The following PPM1H variants were observed in gnomAD, a reference collection of about 807,000 sequenced individuals.
PPM1H encodes protein phosphatase 1H.
In PPM1H, 27 loss-of-function variants were observed where a neutral mutation model predicts 54.9. The observed-to-expected ratio is 0.49, with a 90% CI of 0.36 to 0.68. PPM1H has a LOEUF of 0.68. Ranked by LOEUF, PPM1H falls within the 30% of genes least tolerant of loss-of-function variation. PPM1H has a pLI of 0.00. For missense variants in PPM1H, 596 were observed against 667.8 expected, an observed-to-expected ratio of 0.89 and a Z score of 1.19; for synonymous variants, 305 against 270.8, an observed-to-expected ratio of 1.13 and a Z score of -1.24.
At chr12:62,817,236 G>C (rs1337860285) in intron 2 of PPM1H, among the ~76,000 whole-genome samples, 1 of 149,118 alleles carries the variant, frequency 6.7e-6, no homozygotes, top group Non-Finnish European at 1.5e-5. Context: ...GCTGAGGCGG[G>C]CAGATCATAA....
At chr12:62,728,881 G>A (rs1394911247) in intron 5 of PPM1H, among the ~76,000 whole-genome samples, 4 of 152,146 alleles carry the variant, frequency 2.6e-5, no homozygotes, top group Non-Finnish European at 5.9e-5. Flanking sequence ...GGGCTTTGAG[G>A]TTACTCAAAA....
chr12:62,774,758 T>C (rs1193612528), intron 4 of PPM1H, among the ~76,000 whole-genome samples: 5 of 152,180 alleles, frequency 3.3e-5, no homozygotes, highest in Non-Finnish European at 7.4e-5. Flanking sequence ...CTCAGCAAAC[T>C]GTTCATGGAT....
Position 62,905,127 on chromosome 12 carries a change from A to G in PPM1H, c.245+29365T>C, listed in dbSNP as rs142352937. ...ACAAAGATAACAGTACCCATCTCAT[A>G]GGGTTGTTACAACAATTAAATGAGA... On this transcript the variant is annotated intron_variant, in intron 1 of 9. Transcript: ENST00000228705. Among the ~76,000 whole-genome samples the G allele has an allele frequency of 3.4e-3, 511 of 152,308 alleles. 3 individuals carry two copies. Among genetic ancestry groups the G allele is most frequent in the Middle Eastern group, 0.01 (3 of 294 alleles).
rs558156920 is a variant in PPM1H, at chr12:62,757,109, G to A, written c.870-19523C>T. ...GGCCAAAGAGGCACTGAGAGGCACTGTTTGGTCCTCGTGAGAAGCCTCAGT... is the reference window on the plus strand; with the variant it reads ...GGCCAAAGAGGCACTGAGAGGCACTATTTGGTCCTCGTGAGAAGCCTCAGT... On this transcript the variant is annotated intron_variant, in intron 4 of 9. Transcript: ENST00000228705. Among the ~76,000 whole-genome samples, 3 of 152,296 alleles carry A rather than the reference G, an allele frequency of 2.0e-5. No individual in the cohort carries two copies. In the East Asian group the frequency reaches 5.8e-4, roughly 29 times the overall value.
intron 1 of PPM1H, among the ~76,000 whole-genome samples, chr12:62,902,035 G>A (rs1488367471): frequency 6.6e-6 from 1 of 152,168 alleles, no homozygotes; most frequent in African/African-American, 2.4e-5. Flanking sequence ...CCGATTCAGA[G>A]GGATGACTAA....
intron 1 of PPM1H, among the ~76,000 whole-genome samples, chr12:62,849,787 AC>A (rs1869111257): frequency 6.6e-6 from 1 of 152,202 alleles, no homozygotes; most frequent in Non-Finnish European, 1.5e-5. Flanking sequence ...GAAGTATTTC[AC>A]TTGTCTGCTT....
chr12:62,679,671 T>C (rs1010570920), intron 8 of PPM1H, among the ~76,000 whole-genome samples: 13 of 152,186 alleles, frequency 8.5e-5, no homozygotes, highest in African/African-American at 3.1e-4. Flanking sequence ...GTCCCTTTCC[T>C]TTGAGAAATG....
At chr12:62,890,886 G>T (rs1230500038) in intron 1 of PPM1H, among the ~76,000 whole-genome samples, 1 of 151,966 alleles carries the variant, frequency 6.6e-6, no homozygotes, top group Non-Finnish European at 1.5e-5. Flanking sequence ...AAGGCAGGCG[G>T]CTCACCTGAG....
rs978342292 is a variant in PPM1H at position 62,934,737 on chromosome 12, A to G, written c.-1T>C. ...CGGCAGATTTCACTCGAGTGAGCAT[A>G]TTACTCCGGCGCCCGGCTGCAGCGG... On this transcript the variant is annotated 5_prime_UTR_variant, in exon 1 of 10. Transcript: ENST00000228705. The surrounding 1 kb of genome is among the most constrained non-coding windows in gnomAD (Gnocchi z 4.2). 15 of 1,544,134 alleles carry G rather than the reference A, an allele frequency of 9.7e-6. No homozygotes were observed. Among genetic ancestry groups the G allele is most frequent in the Middle Eastern group, 1.8e-4 (1 of 5,414 alleles).
intron 6 of PPM1H, among the ~76,000 whole-genome samples, chr12:62,709,862 G>T (rs1023936739): frequency 1.3e-5 from 2 of 152,016 alleles, no homozygotes; most frequent in African/African-American, 4.8e-5. Context: ...CCTGAGGTTG[G>T]GAGTTCACAA....
intron 8 of PPM1H, among the ~76,000 whole-genome samples, chr12:62,679,946 A>G (rs1388947253): frequency 2.0e-5 from 3 of 152,240 alleles, no homozygotes; most frequent in Non-Finnish European, 2.9e-5. Flanking sequence ...TCAAGATTGC[A>G]CAGCAGGGAG....
At chr12:62,881,242 C>T (rs921237107) in intron 1 of PPM1H, among the ~76,000 whole-genome samples, 1 of 152,014 alleles carries the variant, frequency 6.6e-6, no homozygotes, top group African/African-American at 2.4e-5. Flanking sequence ...GAGATGTGGC[C>T]GTCTGTAGCA....
chr12:62,907,663 C>A (rs1274387193), intron 1 of PPM1H, among the ~76,000 whole-genome samples: 1 of 152,196 alleles, frequency 6.6e-6, no homozygotes, highest in Non-Finnish European at 1.5e-5. Context: ...TCATTCCAGC[C>A]TGAATCTCAA....
chr12:62,850,680 T>C (rs1199501725), intron 1 of PPM1H: 1 of 148,358 alleles, frequency 6.7e-6, no homozygotes, highest in Non-Finnish European at 1.5e-5. Flanking sequence ...AAAATATATA[T>C]TCTAGTAACA....
At position 62,740,771 on chromosome 12, in the gene PPM1H, T is replaced by TA. The variant is rs550412148; in HGVS notation, c.870-3186dup. Among the ~76,000 whole-genome samples the TA allele has an allele frequency of 2.6e-4, 39 of 152,220 alleles. No homozygotes were observed. In the East Asian group the frequency reaches 6.8e-3, roughly 26 times the overall value. On this transcript the variant is annotated intron_variant, in intron 4 of 9. Transcript: ENST00000228705. The stretch of plus-strand genomic sequence containing the variant: ...CAAAATGAAAACACAGGCCCCTGAT[T>TA]AAAAAATGCAGAATTTCAAGACAGC...
chr12:62,654,122 C>T (rs377280155), intron 9 of PPM1H, among the ~76,000 whole-genome samples: 3 of 148,262 alleles, frequency 2.0e-5, no homozygotes, highest in Non-Finnish European at 3.0e-5. Flanking sequence ...GTCGTCCCAG[C>T]TACTCGGGAG....
At chr12:62,769,281 G>T (rs549442925) in intron 4 of PPM1H, among the ~76,000 whole-genome samples, 1 of 152,358 alleles carries the variant, frequency 6.6e-6, no homozygotes, top group African/African-American at 2.4e-5. Context: ...TAAGGAAGTT[G>T]TCTGCAGAGT....
chr12:62,666,919 G>A (rs778401363), intron 9 of PPM1H, among the ~76,000 whole-genome samples: 7 of 152,072 alleles, frequency 4.6e-5, no homozygotes, highest in Admixed American at 6.6e-5. Flanking sequence ...TCACCATGTT[G>A]GCCAGGCTGG....
intron 3 of PPM1H, among the ~76,000 whole-genome samples, chr12:62,793,740 C>CAAAAAAAAAAAAAAAAAAAAAAA (rs34457644): frequency 1.6e-5 from 1 of 61,226 alleles, no homozygotes; most frequent in African/African-American, 5.7e-5. Context: ...AACTCCGTTT[C>CAAAAAAAAAAAAAAAAAAAAAAA]AAAAAAAAAA....
Sources: allele counts gnomAD v4.1 joint callset (sites outside exome capture counted in the v4.1 genomes callset), GRCh38; gene constraint gnomAD v4.1.1; non-coding constraint Gnocchi (gnomAD v3.1); transcripts MANE v1.5; gene names NCBI Gene and HGNC (gene_info 2026-07-23, HGNC 2026-07-21).